TXNRD1: variants seen among roughly 807,000 people sequenced by gnomAD.
The protein encoded by TXNRD1 is thioredoxin reductase 1, cytoplasmic.
TXNRD1 carries 57 observed loss-of-function variants against 80.3 expected under a neutral mutation model. The observed-to-expected ratio is 0.71, with a 90% confidence interval of 0.57 to 0.89. The LOEUF is 0.89. TXNRD1 is among the 40% of genes least tolerant of loss of function. The pLI is 0.00. For synonymous variants in TXNRD1, 291 were observed against 285.2 expected (o/e 1.02, Z -0.20); for missense variants, 730 against 803.0 (o/e 0.91, Z 1.10).
intron 4 of TXNRD1, chr12:104,291,065 T>C: frequency 1.5e-6 from 1 of 686,512 alleles, no homozygotes; most frequent in Non-Finnish European, 2.6e-6. Flanking sequence ...GGCCTCGGCC[T>C]CCTAAAGTGC....
At chr12:104,338,873 C>T (rs989067430) in intron 15 of TXNRD1, among the ~76,000 whole-genome samples, 3 of 152,018 alleles carry the variant, frequency 2.0e-5, no homozygotes, top group Non-Finnish European at 4.4e-5. Flanking sequence ...CCCGCCACCA[C>T]GCCCGGCTAA....
At chr12:104,264,778 G>A (rs996731541) in intron 3 of TXNRD1, among the ~76,000 whole-genome samples, 1 of 152,084 alleles carries the variant, frequency 6.6e-6, no homozygotes, top group African/African-American at 2.4e-5. Flanking sequence ...GGTTAGAAAT[G>A]TTTTTCTTTG....
At chr12:104,291,037 G>A (rs1272080414) in intron 4 of TXNRD1, 4 of 685,272 alleles carry the variant, frequency 5.8e-6, no homozygotes, top group Non-Finnish European at 1.1e-5. Flanking sequence ...TTGAACTCCT[G>A]GGCTCAAGCG....
chr12:104,317,089 G>T (rs34612644), intron 7 of TXNRD1, among the ~76,000 whole-genome samples: 10,375 of 152,078 alleles, frequency 0.068, 591 homozygotes, highest in African/African-American at 0.15. Context: ...ATAATGTTGG[G>T]GTCACATTGT....
intron 3 of TXNRD1, among the ~76,000 whole-genome samples, chr12:104,281,624 T>C (rs2033880820): frequency 6.6e-6 from 1 of 151,998 alleles, no homozygotes; most frequent in Admixed American, 6.6e-5. Context: ...GCCAGGCTCA[T>C]CTCAATCTCC....
rs144181675 is a variant in TXNRD1 at position 104,243,102 on chromosome 12, C to A, written c.92-8425C>A. On this transcript the variant is annotated intron_variant, in intron 1 of 16. Transcript: ENST00000525566. ...TAGTCCTTTTTATAGCACTTAAGTT[C>A]TTCTTATGACATTTATTTGTAAAAA... Among the ~76,000 whole-genome samples, 48 of 152,242 alleles carry A rather than the reference C, an allele frequency of 3.2e-4. 1 individual carries two copies. In the East Asian group the frequency reaches 8.5e-3, roughly 27 times the overall value.
intron 4 of TXNRD1, among the ~76,000 whole-genome samples, chr12:104,289,894 A>G (rs2034118912): frequency 6.6e-6 from 1 of 152,118 alleles, no homozygotes; most frequent in African/African-American, 2.4e-5. Flanking sequence ...CACTACACCC[A>G]GCTTCACCAT....
intron 1 of TXNRD1, among the ~76,000 whole-genome samples, chr12:104,242,082 C>T (rs1007256549): frequency 5.4e-4 from 81 of 150,920 alleles, no homozygotes; most frequent in African/African-American, 1.6e-3. Context: ...GGATTACAGG[C>T]GCACGCCACC....
intron 1 of TXNRD1, among the ~76,000 whole-genome samples, chr12:104,225,974 C>T (rs1268685522): frequency 4.6e-5 from 7 of 152,014 alleles, no homozygotes; most frequent in East Asian, 1.9e-4. Context: ...CCAAGGTGGG[C>T]GGATCACCTG....
intron 10 of TXNRD1, among the ~76,000 whole-genome samples, chr12:104,322,790 A>G (rs1045997939): frequency 2.6e-5 from 4 of 151,296 alleles, no homozygotes; most frequent in Non-Finnish European, 4.4e-5. Flanking sequence ...ACATCTTCCT[A>G]TATACAATTT....
At chr12:104,249,032 G>C (rs1224461310) in intron 1 of TXNRD1, among the ~76,000 whole-genome samples, 1 of 152,192 alleles carries the variant, frequency 6.6e-6, no homozygotes, top group Non-Finnish European at 1.5e-5. Flanking sequence ...TCTTTAAGAA[G>C]AACCCACTTC....
At chr12:104,293,728 T>A (rs2034313594) in intron 4 of TXNRD1, among the ~76,000 whole-genome samples, 1 of 151,872 alleles carries the variant, frequency 6.6e-6, no homozygotes, top group Non-Finnish European at 1.5e-5. Flanking sequence ...AGTGTAGAAA[T>A]AAAGACACAA....
intron 1 of TXNRD1, among the ~76,000 whole-genome samples, chr12:104,250,296 T>C (rs1045834679): frequency 4.6e-5 from 7 of 152,128 alleles, no homozygotes; most frequent in African/African-American, 1.7e-4. Context: ...ACTAAAACTA[T>C]AAGACTCTTA....
chr12:104,277,355 G>A (rs368033617), intron 3 of TXNRD1, among the ~76,000 whole-genome samples: 6 of 149,886 alleles, frequency 4.0e-5, no homozygotes, highest in South Asian at 4.2e-4. Flanking sequence ...AGCTGAGATC[G>A]CGCCACTGCA....
At chr12:104,223,593 G>A (rs1214060427) in intron 1 of TXNRD1, among the ~76,000 whole-genome samples, 2 of 152,178 alleles carry the variant, frequency 1.3e-5, no homozygotes, top group African/African-American at 4.8e-5. Flanking sequence ...TTCCTTTCAC[G>A]GGATTCCATG....
intron 16 of TXNRD1, among the ~76,000 whole-genome samples, chr12:104,345,102 G>A (rs1289687601): frequency 6.6e-6 from 1 of 152,172 alleles, no homozygotes; most frequent in Non-Finnish European, 1.5e-5. Flanking sequence ...GGCTAGAAAC[G>A]AAGAAGAAAG....
chr12:104,304,971 T>C (rs751372684), intron 4 of TXNRD1: 42 of 1,529,670 alleles, frequency 2.7e-5, no homozygotes, highest in Non-Finnish European at 3.1e-5. Context: ...TTGTGTTTTT[T>C]TTCTGAAGTT....
At chr12:104,305,009 C>A in intron 4 of TXNRD1, 1 of 1,407,856 alleles carries the variant, frequency 7.1e-7, no homozygotes, top group Non-Finnish European at 9.5e-7. Context: ...TAAACTGAAG[C>A]ACATATTGTA....
At chr12:104,318,463 C>G (rs559720127) in intron 7 of TXNRD1, among the ~76,000 whole-genome samples, 1 of 152,252 alleles carries the variant, frequency 6.6e-6, no homozygotes, top group African/African-American at 2.4e-5. Context: ...TTTAATAAAG[C>G]TTTATTTACA....
Sources: gnomAD v4.1 joint callset for allele counts (sites outside exome capture counted in the v4.1 genomes callset) on GRCh38, gnomAD v4.1.1 for gene constraint, MANE v1.5 for transcripts, NCBI Gene and HGNC (gene_info 2026-07-23, HGNC 2026-07-21) for gene names.